Variants in TNFAIP8 observed in about 807,000 individuals in gnomAD.
TNFAIP8 encodes the protein tumor necrosis factor alpha-induced protein 8.
In TNFAIP8, 7 loss-of-function variants were observed where a neutral mutation model predicts 13.3. The observed-to-expected ratio is 0.52, with a 90% CI of 0.30 to 0.99. The LOEUF is 0.99. Ranked by LOEUF, TNFAIP8 falls within the 50% of genes least tolerant of loss-of-function variation. The pLI, the probability that TNFAIP8 is intolerant of heterozygous loss-of-function variation, is 0.07. For synonymous variants in TNFAIP8, 94 were observed against 87.6 expected, an observed-to-expected ratio of 1.07 and a Z score of -0.41; for missense variants, 258 against 236.9, an observed-to-expected ratio of 1.09 and a Z score of -0.58.
chr5:119,333,732 A>T (rs577066127), intron 1 of TNFAIP8: 1 of 1,015,104 alleles, frequency 9.9e-7, no homozygotes, highest in South Asian at 1.4e-5. Context: ...TCTTCAAGGA[A>T]ATAATGTTTG....
intron 1 of TNFAIP8, among the ~76,000 whole-genome samples, chr5:119,282,880 G>T (rs1436776610): frequency 7.2e-5 from 11 of 152,164 alleles, no homozygotes; most frequent in Admixed American, 7.2e-4. Context: ...TGGGACCCTT[G>T]GCCAAGATGT....
At chr5:119,369,055 C>CTTTTTTTTTT (rs61101551) in intron 1 of TNFAIP8, among the ~76,000 whole-genome samples, 3 of 105,012 alleles carry the variant, frequency 2.9e-5, no homozygotes, top group African/African-American at 1.2e-4. Context: ...CTTTTCTTTT[C>CTTTTTTTTTT]TTTTTTTTTT....
rs1752121271 is a variant in TNFAIP8 at position 119,372,523 on chromosome 5, T to C, written c.31+16402T>C. Among the ~76,000 whole-genome samples the C allele has an allele frequency of 3.9e-5, 6 of 152,182 alleles. No homozygotes were observed. The South Asian group carries it at 1.2e-3, about 31-fold the overall frequency. On this transcript the variant is annotated intron_variant, in intron 1 of 1. Coordinates refer to ENST00000504771, the MANE Select transcript of TNFAIP8 (RefSeq NM_014350.4). The stretch of plus-strand genomic sequence containing the variant: ...AAACCTTGCTAATCATTTGACTAAG[T>C]AAAATAAATTCCTAGCTTTGTTAAA...
At position 119,394,315 on chromosome 5, in the gene TNFAIP8, C is replaced by T. The variant is rs904319744; in HGVS notation, c.*934C>T. On this transcript the variant is annotated 3_prime_UTR_variant, in exon 2 of 2. Transcript: ENST00000504771. ...AAAGGGGAGAAATACTGCTAAAGAACATGAGCATAAAAATGCGTGCGTTTC... is the reference window on the plus strand; with the variant it reads ...AAAGGGGAGAAATACTGCTAAAGAATATGAGCATAAAAATGCGTGCGTTTC... The T allele has an allele frequency of 6.6e-6, 1 of 152,130 alleles. No individual in the cohort carries two copies. The highest frequency in any genetic ancestry group is 2.4e-5 in the African/African-American group (1 of 41,420). The allele number at this position is 152,130 out of a possible 1,614,324, so 9.4% of individuals were successfully genotyped here.
chr5:119,299,443 C>A (rs1228609019), intron 1 of TNFAIP8, among the ~76,000 whole-genome samples: 1 of 152,182 alleles, frequency 6.6e-6, no homozygotes, highest in East Asian at 1.9e-4. Flanking sequence ...ACCGCGAATG[C>A]TGCTGTCTGA....
chr5:119,347,010 G>T (rs1290141633), intron 1 of TNFAIP8, among the ~76,000 whole-genome samples: 1 of 152,202 alleles, frequency 6.6e-6, no homozygotes, highest in East Asian at 1.9e-4. Flanking sequence ...CCAGGTTGGA[G>T]GCTGATATAC....
intron 1 of TNFAIP8, among the ~76,000 whole-genome samples, chr5:119,276,317 C>T (rs1748444159): frequency 6.6e-6 from 1 of 151,966 alleles, no homozygotes; most frequent in Admixed American, 6.6e-5. Flanking sequence ...AGGGTTTCAC[C>T]ATGTTGGCCA....
intron 1 of TNFAIP8, among the ~76,000 whole-genome samples, chr5:119,295,691 A>G (rs2112639640): frequency 6.6e-6 from 1 of 152,212 alleles, no homozygotes; most frequent in African/African-American, 2.4e-5. Context: ...CTTGATGGGG[A>G]TGGCATTGAA....
chr5:119,378,588 A>G (rs1752368427), intron 1 of TNFAIP8, among the ~76,000 whole-genome samples: 1 of 152,224 alleles, frequency 6.6e-6, no homozygotes, highest in African/African-American at 2.4e-5. Context: ...TAAAATATTC[A>G]AACAGATGGG....
chr5:119,375,139 A>G (rs772056436), intron 1 of TNFAIP8, among the ~76,000 whole-genome samples: 2 of 152,226 alleles, frequency 1.3e-5, no homozygotes, highest in Non-Finnish European at 2.9e-5. Context: ...TTTGCTTCAA[A>G]TGGAGGAATT....
In TNFAIP8 at chr5:119,393,413, T is replaced by G. The variant is rs1752977716; in HGVS notation, c.*32T>G. ...GAGTTAAGATTGTGACTGATCATGA[T>G]TTATTTGAAGATGGAGCACTGCTGA... On this transcript the variant is annotated 3_prime_UTR_variant, in exon 2 of 2. Transcript: ENST00000504771. The G allele has an allele frequency of 6.4e-7, 1 of 1,571,214 alleles. No individual in the cohort carries two copies. The highest frequency in any genetic ancestry group is 1.8e-5 in the Admixed American group (1 of 57,046).
chr5:119,308,993 G>T (rs902686353), intron 1 of TNFAIP8, among the ~76,000 whole-genome samples: 1 of 152,166 alleles, frequency 6.6e-6, no homozygotes, highest in African/African-American at 2.4e-5. Flanking sequence ...AAGCAGTTGT[G>T]CATGTATGTG....
At chr5:119,382,610 T>G (rs1296993226) in intron 1 of TNFAIP8, among the ~76,000 whole-genome samples, 1 of 152,236 alleles carries the variant, frequency 6.6e-6, no homozygotes, top group Non-Finnish European at 1.5e-5. Context: ...TATTTTATAT[T>G]TGGTGCTGTT....
At chr5:119,310,070 C>G (rs1039122314) in intron 1 of TNFAIP8, among the ~76,000 whole-genome samples, 1 of 152,182 alleles carries the variant, frequency 6.6e-6, no homozygotes, top group African/African-American at 2.4e-5. Flanking sequence ...TTCTGTCCAT[C>G]TTTGATTTCT....
intron 1 of TNFAIP8, among the ~76,000 whole-genome samples, chr5:119,385,933 A>C (rs1444603781): frequency 1.3e-5 from 2 of 152,228 alleles, no homozygotes; most frequent in Admixed American, 6.5e-5. Context: ...CAACTCCAAA[A>C]AGTGGGGATC....
intron 1 of TNFAIP8, among the ~76,000 whole-genome samples, chr5:119,362,887 A>G (rs1054982862): frequency 4.6e-5 from 7 of 152,170 alleles, no homozygotes; most frequent in African/African-American, 1.4e-4. Flanking sequence ...GCTGGCAAGA[A>G]CCATGAGTTG....
chr5:119,294,412 T>C (rs1311830083), intron 1 of TNFAIP8, among the ~76,000 whole-genome samples: 3 of 152,228 alleles, frequency 2.0e-5, no homozygotes, highest in Non-Finnish European at 4.4e-5. Context: ...TTCCCTGGTG[T>C]ATATGTGCCA....
chr5:119,301,798 G>A (rs1349056248), intron 1 of TNFAIP8, among the ~76,000 whole-genome samples: 1 of 152,214 alleles, frequency 6.6e-6, no homozygotes, highest in Non-Finnish European at 1.5e-5. Context: ...CAGAAACGCA[G>A]TCCTATTTCT....
chr5:119,326,151 T>C (rs973421631), intron 1 of TNFAIP8, among the ~76,000 whole-genome samples: 7 of 152,330 alleles, frequency 4.6e-5, no homozygotes, highest in African/African-American at 1.4e-4. Flanking sequence ...GGTGGATTCA[T>C]TCATGCTGAA....
Sources: allele counts gnomAD v4.1 joint callset (sites outside exome capture counted in the v4.1 genomes callset), GRCh38; gene constraint gnomAD v4.1.1; transcripts MANE v1.5; gene names NCBI Gene and HGNC (gene_info 2026-07-23, HGNC 2026-07-21).